The following ZNF790 variants were observed in gnomAD, a reference collection of about 807,000 sequenced individuals.
ZNF790 encodes the protein zinc finger protein 790.
ZNF790 carries 8 observed loss-of-function variants against 12.1 expected under a neutral mutation model. The observed-to-expected ratio is 0.66, with a 90% CI of 0.39 to 1.19. The LOEUF (loss-of-function observed/expected upper bound fraction) is 1.19, where lower values mean the gene tolerates loss of function less well. Ranked by LOEUF, ZNF790 falls within the 50% of genes most tolerant of loss-of-function variation. ZNF790 has a pLI of 0.01. For missense variants in ZNF790, 707 were observed against 752.2 expected, an observed-to-expected ratio of 0.94 and a Z score of 0.70; for synonymous variants, 252 against 244.3, an observed-to-expected ratio of 1.03 and a Z score of -0.29.
chr19:36,825,647 T>C lies in ZNF790; in HGVS notation c.-28A>G. On this transcript the variant is annotated 5_prime_UTR_variant, in exon 2 of 5. Transcript: ENST00000356725. ...CTTAACATTCCAAGTCCACCAGTCC[T>C]TCTCTGGATTCTTTCTTGGTGAGGC... 6.2e-7 allele frequency: 1 copy of C among 1,613,942 alleles called. No individual in the cohort carries two copies. Among genetic ancestry groups the C allele is most frequent in the Non-Finnish European group, 8.5e-7 (1 of 1,179,798 alleles).
chr19:36,827,135 C>CAT (rs2071830499), intron 1 of ZNF790, among the ~76,000 whole-genome samples: 1 of 72,930 alleles, frequency 1.4e-5, no homozygotes. Flanking sequence ...CACACACACA[C>CAT]ACACACATAT....
chr19:36,839,956 T>C (rs1442044671), upstream of ZNF790, among the ~76,000 whole-genome samples: 4 of 151,798 alleles, frequency 2.6e-5, no homozygotes, highest in Non-Finnish European at 5.9e-5. Flanking sequence ...CCAGCTACTC[T>C]GGAGGCTGAG....
chr19:36,847,284 G>A (rs2072188769), intron 1 of ZNF790, among the ~76,000 whole-genome samples: 1 of 152,024 alleles, frequency 6.6e-6, no homozygotes, highest in East Asian at 1.9e-4. Flanking sequence ...CCGGGAGGCA[G>A]TGGTTGCAGT....
At position 36,827,117 on chromosome 19, in the gene ZNF790, T is replaced by TAG. The variant is rs2071828016; in HGVS notation, c.-73-1426_-73-1425insCT. Among the ~76,000 whole-genome samples the TAG allele has an allele frequency of 1.2e-3, 76 of 60,938 alleles. 1 individual carries two copies. Among genetic ancestry groups the TAG allele is most frequent in the African/African-American group, 4.6e-3 (74 of 16,094 alleles). 40.0% of individuals were successfully genotyped at this position (60,938 alleles called of 152,430 possible). A position where few individuals can be genotyped will look rare whatever the true frequency, so the allele number is the denominator to read the frequency against. On this transcript the variant is annotated intron_variant, in intron 1 of 4. Coordinates refer to ENST00000356725, the MANE Select transcript of ZNF790 (RefSeq NM_206894.4). ...GTGTGTGTGTGTATATATATACACA[T>TAG]ACACACACACACACACACACACACA... is the stretch of plus-strand genomic sequence containing the variant.
At chr19:36,825,157 C>G (rs1281427159) in intron 2 of ZNF790, among the ~76,000 whole-genome samples, 1 of 152,190 alleles carries the variant, frequency 6.6e-6, no homozygotes, top group Non-Finnish European at 1.5e-5. Flanking sequence ...AACCTCCCAT[C>G]ATATCTGCTA....
intron 4 of ZNF790, among the ~76,000 whole-genome samples, chr19:36,822,319 T>C (rs1315218966): frequency 6.6e-6 from 1 of 151,990 alleles, no homozygotes; most frequent in Admixed American, 6.6e-5. Context: ...GAAAATTAAA[T>C]TTTAAAAAAG....
chr19:36,823,898 G>A, intron 2 of ZNF790, 108 bp from the exon 3 acceptor site: 1 of 1,017,122 alleles, frequency 9.8e-7, no homozygotes, highest in Non-Finnish European at 1.3e-6. Flanking sequence ...AGGGAGTGGG[G>A]CATATATTGG....
chr19:36,847,134 T>C (rs558779514), intron 1 of ZNF790, among the ~76,000 whole-genome samples: 5 of 152,140 alleles, frequency 3.3e-5, no homozygotes, highest in Non-Finnish European at 7.4e-5. Flanking sequence ...GGCAGGCAGA[T>C]CATGAGGTTA....
rs144076687 is a variant in ZNF790 at position 36,820,011 on chromosome 19, G to A, written c.333C>T (p.Ser111=). Residue 111 remains serine, a synonymous_variant, in exon 5 of 5, where the codon AGC becomes AGT. Transcript: ENST00000356725. Reference sequence around the variant, plus strand: ...CACCTCTAAAACATAAACAGTCAAGGCTGTGGTTTTTACAAATTCTCATTA... The same window carrying A: ...CACCTCTAAAACATAAACAGTCAAGACTGTGGTTTTTACAAATTCTCATTA... ...LEIMRICKNH[S]LDCLCFRGDW... is the part of the protein sequence containing the mutation. 2.3e-4 allele frequency: 365 copies of A among 1,613,786 alleles called. No individual in the cohort carries two copies. Among genetic ancestry groups the A allele is most frequent in the Non-Finnish European group, 2.8e-4 (336 of 1,180,010 alleles).
At chr19:36,836,839 A>G (rs1195230652) in intron 1 of ZNF790, among the ~76,000 whole-genome samples, 1 of 152,222 alleles carries the variant, frequency 6.6e-6, no homozygotes, top group East Asian at 1.9e-4. Flanking sequence ...CCCCATAGTT[A>G]TCAGCCTATG....
In ZNF790 at chr19:36,827,141, C is replaced by CACACACACACACAT. The variant is rs1313807327; in HGVS notation, c.-73-1450_-73-1449insATGTGTGTGTGTGT. On this transcript the variant is annotated intron_variant, in intron 1 of 4. Transcript: ENST00000356725. ...ATACACACACACACACACACACACACATATATATATATATATATATATATA... is the reference window on the plus strand; with the variant it reads ...ATACACACACACACACACACACACACACACACACACACATATATATATATATATATATATATATA... Among the ~76,000 whole-genome samples, 106 of 84,434 alleles carry CACACACACACACAT rather than the reference C, an allele frequency of 1.3e-3. 1 individual carries two copies. Among genetic ancestry groups the CACACACACACACAT allele is most frequent in the African/African-American group, 3.9e-3 (71 of 18,168 alleles). 55.4% of individuals were successfully genotyped at this position (84,434 alleles called of 152,430 possible). A position where few individuals can be genotyped will look rare whatever the true frequency, so the allele number is the denominator to read the frequency against.
At chr19:36,829,806 A>G (rs952464582) in intron 1 of ZNF790, among the ~76,000 whole-genome samples, 2 of 152,150 alleles carry the variant, frequency 1.3e-5, no homozygotes, top group African/African-American at 2.4e-5. Flanking sequence ...ACCTCAGGTG[A>G]TCCGCCCGCC....
rs139458377 is a variant in ZNF790 at position 36,818,816 on chromosome 19, C to G, written c.1528G>C (p.Glu510Gln). The G allele has an allele frequency of 4.3e-6, 7 of 1,612,438 alleles. No individual in the cohort carries two copies. The highest frequency in any genetic ancestry group is 4.2e-6 in the Non-Finnish European group (5 of 1,179,262). Residue 510 changes from glutamate (E) to glutamine (Q), a missense_variant, in exon 5 of 5, where the codon GAA becomes CAA. Glu to Gln is a conservative substitution (Grantham distance 29). Coordinates refer to ENST00000356725, the MANE Select transcript of ZNF790 (RefSeq NM_206894.4). ...HTGKRPYECE[E>Q]CGKAFLWGSQ... ...CCCCAGAGAAAGGCTTTTCCACATT[C>G]TTCACATTCATATGGCCTCTTTCCA...
chr19:36,824,951 G>A (rs1600653275), intron 2 of ZNF790, among the ~76,000 whole-genome samples: 1 of 152,082 alleles, frequency 6.6e-6, no homozygotes, highest in East Asian at 1.9e-4. Flanking sequence ...TGGAAAATGT[G>A]TAGAATCTCC....
intron 1 of ZNF790, among the ~76,000 whole-genome samples, chr19:36,833,397 C>A (rs1020928615): frequency 6.6e-6 from 1 of 152,214 alleles, no homozygotes; most frequent in African/African-American, 2.4e-5. Context: ...CCTGCCTCAG[C>A]CTCCCAAAGT....
At chr19:36,831,951 A>T (rs1269001960) in intron 1 of ZNF790, among the ~76,000 whole-genome samples, 1 of 152,188 alleles carries the variant, frequency 6.6e-6, no homozygotes, top group East Asian at 1.9e-4. Context: ...AGAAAAAGGA[A>T]ATTCAATTGT....
intron 4 of ZNF790, 88 bp downstream of exon 4, chr19:36,823,197 A>G: frequency 8.2e-7 from 1 of 1,216,350 alleles, no homozygotes. Context: ...ATTCCAGACC[A>G]ATATTTCAGA....
At position 36,820,052 on chromosome 19, in the gene ZNF790, T is replaced by C; in HGVS notation, c.292A>G (p.Ile98Val). 1 of 1,612,100 alleles carries C rather than the reference T, an allele frequency of 6.2e-7. No homozygotes were observed. The highest frequency in any genetic ancestry group is 1.1e-5 in the South Asian group (1 of 91,080). ...LPKNGIFERE[I>V]AQLEIMRICK... ...ATTCTCATTATTTCCAATTGGGCTA[T>C]TTCTCTCTCAAAAATGCCATTTTTT... The change falls in exon 5 of 5, where the codon ATA becomes GTA. Residue 98 changes from isoleucine to valine, a missense_variant. Coordinates refer to ENST00000356725, the MANE Select transcript of ZNF790 (RefSeq NM_206894.4).
intron 1 of ZNF790, among the ~76,000 whole-genome samples, chr19:36,832,823 C>T (rs986865653): frequency 6.6e-6 from 1 of 152,010 alleles, no homozygotes; most frequent in Non-Finnish European, 1.5e-5. Context: ...TTGATTGCCT[C>T]ATTTGTGATA....
Sources: allele counts gnomAD v4.1 joint callset (sites outside exome capture counted in the v4.1 genomes callset), GRCh38; gene constraint gnomAD v4.1.1; transcripts MANE v1.5; gene names NCBI Gene and HGNC (gene_info 2026-07-23, HGNC 2026-07-21).